C8orf89: variants seen among roughly 807,000 people sequenced by gnomAD.
C8orf89 encodes chromosome 8 open reading frame 89.
Under a neutral mutation model 15.8 loss-of-function variants are expected in C8orf89, and 14 were observed. The observed-to-expected ratio is 0.89, with a 90% confidence interval of 0.59 to 1.39. C8orf89 has a LOEUF of 1.39. Ranked by LOEUF, C8orf89 falls within the 40% of genes most tolerant of loss-of-function variation. The pLI is 0.00. For synonymous variants in C8orf89, 55 were observed against 62.2 expected (o/e 0.88, Z 0.54); for missense variants, 181 against 184.5 (o/e 0.98, Z 0.11).
intron 2 of C8orf89, 129 bp downstream of exon 2, chr8:73,256,844 C>T (rs1002177573): frequency 2.0e-6 from 1 of 498,832 alleles, no homozygotes; most frequent in Non-Finnish European, 3.1e-6. Context: ...AAAATTAAAT[C>T]CTTTATGTAA....
At chr8:73,268,268 A>G in the C8orf89 span, among the ~76,000 whole-genome samples, 1 of 152,158 alleles carries the variant, frequency 6.6e-6, no homozygotes, top group Non-Finnish European at 1.5e-5. Flanking sequence ...TCACGAGGTC[A>G]GGAGTTCGAG....
At chr8:73,245,894 G>T (rs897128145) in intron 3 of C8orf89, among the ~76,000 whole-genome samples, 1 of 152,046 alleles carries the variant, frequency 6.6e-6, no homozygotes, top group African/African-American at 2.4e-5. Flanking sequence ...TCAAACTTTC[G>T]AGAGAAAAAT....
intron 3 of C8orf89, among the ~76,000 whole-genome samples, chr8:73,249,786 A>C (rs545658815): frequency 1.2e-4 from 18 of 152,306 alleles, no homozygotes; most frequent in African/African-American, 3.8e-4. Flanking sequence ...TTTCTGTATT[A>C]GATGTCATAA....
intron 1 of C8orf89, 71 bp downstream of exon 1, chr8:73,259,261 G>A (rs1439239701): frequency 9.5e-7 from 1 of 1,055,052 alleles, no homozygotes; most frequent in African/African-American, 1.6e-5. Flanking sequence ...CTTGCCTGAT[G>A]AAAAAAATAC....
the C8orf89 span, among the ~76,000 whole-genome samples, chr8:73,271,209 C>T: frequency 3.0e-4 from 45 of 152,330 alleles, no homozygotes; most frequent in Admixed American, 1.4e-3. Flanking sequence ...TTAAGGAAAA[C>T]ACCTGCTATA....
intron 3 of C8orf89, among the ~76,000 whole-genome samples, chr8:73,241,863 T>TATAC (rs1813014151): frequency 6.6e-6 from 1 of 151,990 alleles, no homozygotes; most frequent in Admixed American, 6.6e-5. Flanking sequence ...GTGCCAAGAA[T>TATAC]ATACACTAGG....
At chr8:73,256,192 G>T (rs1363974079) in intron 2 of C8orf89, among the ~76,000 whole-genome samples, 1 of 151,600 alleles carries the variant, frequency 6.6e-6, no homozygotes, top group East Asian at 1.9e-4. Context: ...AGGTCAGGGA[G>T]ACTTTTCTGG....
chr8:73,277,442 C>A, the C8orf89 span: 2 of 1,147,442 alleles, frequency 1.7e-6, no homozygotes, highest in Middle Eastern at 4.8e-4. Flanking sequence ...ACTTTGTCTC[C>A]AAATTCTTTT....
Position 73,256,731 on chromosome 8 carries a change from A to G in C8orf89, c.281+242T>C, listed in dbSNP as rs1178052648. On this transcript the variant is annotated intron_variant, in intron 2 of 3. Coordinates refer to ENST00000624510, the MANE Select transcript of C8orf89 (RefSeq NM_001243237.3). ...AAAACAGCGAGACTCTGTCTCAAAA[A>G]AAAAAAAAAAAAAAAAAAGCCCTTA... Among the ~76,000 whole-genome samples, 166 of 150,280 alleles carry G rather than the reference A, an allele frequency of 1.1e-3. 1 individual carries two copies. Among genetic ancestry groups the G allele is most frequent in the African/African-American group, 3.9e-3 (158 of 40,998 alleles).
the C8orf89 span, chr8:73,277,468 A>G: frequency 2.0e-6 from 2 of 1,002,260 alleles, no homozygotes; most frequent in South Asian, 2.9e-5. Flanking sequence ...GTGCTCGAGA[A>G]GAATCCCCTG....
intron 2 of C8orf89, among the ~76,000 whole-genome samples, chr8:73,253,664 T>C (rs895858742): frequency 2.3e-4 from 35 of 151,788 alleles, no homozygotes; most frequent in African/African-American, 8.3e-4. Flanking sequence ...CCCTTATAAG[T>C]TGGATTCCTA....
At position 73,259,395 on chromosome 8, in the gene C8orf89, T is replaced by G; in HGVS notation, c.64A>C (p.Ser22Arg). 1 of 1,532,218 alleles carries G rather than the reference T, an allele frequency of 6.5e-7. No homozygotes were observed. Among genetic ancestry groups the G allele is most frequent in the African/African-American group, 1.4e-5 (1 of 73,084 alleles). 94.9% of individuals were successfully genotyped at this position (1,532,218 alleles called of 1,614,324 possible). A position where few individuals can be genotyped will look rare whatever the true frequency, so the allele number is the denominator to read the frequency against. ...TSKFTRSSFG[S>R]CLIFESSWKK... ...CAACTACTCTCAAAAATCAAACAAC[T>G]GCCAAAGGAACTTCTGGTGAATTTA... The change falls in exon 1 of 4, where the codon AGT (serine) becomes CGT (arginine). Residue 22 changes from serine to arginine, a missense_variant. Physicochemically the swap from Ser to Arg is moderately radical, Grantham distance 110. Coordinates refer to ENST00000624510, the MANE Select transcript of C8orf89 (RefSeq NM_001243237.3).
the C8orf89 span, among the ~76,000 whole-genome samples, chr8:73,264,904 T>C: frequency 2.0e-5 from 3 of 152,190 alleles, no homozygotes; most frequent in Non-Finnish European, 2.9e-5. Context: ...GCAAAGGCTA[T>C]AAAACCAGAA....
At chr8:73,268,289 C>T in the C8orf89 span, among the ~76,000 whole-genome samples, 1 of 151,910 alleles carries the variant, frequency 6.6e-6, no homozygotes, top group Non-Finnish European at 1.5e-5. Flanking sequence ...ACCAGCCTGG[C>T]CAACATGGTG....
At chr8:73,279,622 T>A in the C8orf89 span, among the ~76,000 whole-genome samples, 13 of 152,246 alleles carry the variant, frequency 8.5e-5, no homozygotes, top group African/African-American at 3.1e-4. Flanking sequence ...TCCCACATGC[T>A]CTTCCTTCAC....
intron 2 of C8orf89, among the ~76,000 whole-genome samples, chr8:73,255,806 G>GT (rs1402151727): frequency 6.6e-6 from 1 of 151,640 alleles, no homozygotes; most frequent in South Asian, 2.1e-4. Context: ...CATGTCCTTT[G>GT]TAGGGACATG....
chr8:73,269,179 GC>G, the C8orf89 span, among the ~76,000 whole-genome samples: 2 of 152,116 alleles, frequency 1.3e-5, no homozygotes, highest in African/African-American at 4.8e-5. Flanking sequence ...ACTGGCTAGG[GC>G]AAAATCTCTA....
At chr8:73,251,418 A>T (rs530185587) in intron 2 of C8orf89, among the ~76,000 whole-genome samples, 1 of 152,350 alleles carries the variant, frequency 6.6e-6, no homozygotes, top group South Asian at 2.1e-4. Context: ...TGTTCTCACT[A>T]CAACAGCTAA....
At chr8:73,277,397 T>C in the C8orf89 span, 23 of 1,176,318 alleles carry the variant, frequency 2.0e-5, no homozygotes, top group South Asian at 3.4e-4. Context: ...GGTTTGATCA[T>C]CTTAGCAGCC....
Sources: gnomAD v4.1 joint callset for allele counts (sites outside exome capture counted in the v4.1 genomes callset) on GRCh38, gnomAD v4.1.1 for gene constraint, MANE v1.5 for transcripts, NCBI Gene and HGNC (gene_info 2026-07-23, HGNC 2026-07-21) for gene names.